TMEM245: variants seen among roughly 807,000 people sequenced by gnomAD.
TMEM245 encodes the protein protein CG-2.
A neutral mutation model predicts 101.2 loss-of-function variants in TMEM245; 69 were observed. That is an observed-to-expected ratio of 0.68 (90% CI 0.56 to 0.83). TMEM245 has a LOEUF of 0.83. Among genes scored for constraint, TMEM245 ranks in the 40% least tolerant of loss-of-function variants. The pLI, the probability that TMEM245 is intolerant of heterozygous loss-of-function variation, is 0.00. For missense variants in TMEM245, 1,075 were observed against 1,092.8 expected (o/e 0.98, Z 0.23); for synonymous variants, 537 against 449.8 (o/e 1.19, Z -2.45).
At position 109,119,275 on chromosome 9, in the gene TMEM245, T is replaced by C. The variant is rs772170898; in HGVS notation, c.579+60A>G. The C allele has an allele frequency of 4.2e-5, 62 of 1,464,948 alleles. No homozygotes were observed. In the East Asian group the frequency reaches 1.2e-3, roughly 28 times the overall value. 90.7% of individuals were successfully genotyped at this position (1,464,948 alleles called of 1,614,324 possible). Reference sequence around the variant, plus strand: ...TGCACCGGGAGGAACAGCTGCAGGATTGCACCCCAGAGCGCCGGGACCACG... The same window carrying C: ...TGCACCGGGAGGAACAGCTGCAGGACTGCACCCCAGAGCGCCGGGACCACG... On this transcript the variant is annotated intron_variant, in intron 1 of 17. Coordinates refer to ENST00000374586, the MANE Select transcript of TMEM245 (RefSeq NM_032012.4).
intron 5 of TMEM245, among the ~76,000 whole-genome samples, chr9:109,089,719 T>G (rs1829944185): frequency 6.6e-6 from 1 of 152,158 alleles, no homozygotes; most frequent in Non-Finnish European, 1.5e-5. Flanking sequence ...AAGACAGTTT[T>G]AGAGAGAATC....
intron 12 of TMEM245, among the ~76,000 whole-genome samples, chr9:109,055,908 A>G (rs1023801411): frequency 1.3e-5 from 2 of 152,216 alleles, no homozygotes; most frequent in Admixed American, 6.5e-5. Flanking sequence ...TGCTGGGATT[A>G]CAGGCATAAG....
intron 16 of TMEM245, among the ~76,000 whole-genome samples, chr9:109,034,697 C>G (rs562804413): frequency 2.6e-5 from 4 of 152,110 alleles, no homozygotes; most frequent in African/African-American, 9.7e-5. Context: ...CCACCCACCT[C>G]GGCCTCTCAA....
At chr9:109,083,496 A>G (rs1829730337) in intron 7 of TMEM245, among the ~76,000 whole-genome samples, 1 of 152,210 alleles carries the variant, frequency 6.6e-6, no homozygotes, top group South Asian at 2.1e-4. Flanking sequence ...AAAAAAGAGA[A>G]GTAATTTTAA....
chr9:109,036,543 T>G (rs1172857576), intron 15 of TMEM245, among the ~76,000 whole-genome samples, 163 bp from the exon 16 acceptor site: 1 of 152,202 alleles, frequency 6.6e-6, no homozygotes, highest in Admixed American at 6.5e-5. Flanking sequence ...TAACTGAATT[T>G]TCTAGCTAAG....
chr9:109,068,873 A>C (rs1432588704), intron 9 of TMEM245, among the ~76,000 whole-genome samples: 1 of 152,150 alleles, frequency 6.6e-6, no homozygotes, highest in Non-Finnish European at 1.5e-5. Flanking sequence ...ATATTGAAGG[A>C]AAGGGTAGAG....
At chr9:109,100,472 C>T (rs967696238) in intron 3 of TMEM245, among the ~76,000 whole-genome samples, 38 of 152,068 alleles carry the variant, frequency 2.5e-4, no homozygotes, top group African/African-American at 8.5e-4. Flanking sequence ...TATAGATGCA[C>T]ACTACCACAC....
chr9:109,119,736 C>G lies in TMEM245; in HGVS notation c.178G>C (p.Val60Leu), dbSNP rs761858472. 1.3e-6 allele frequency: 2 copies of G among 1,539,590 alleles called. No homozygotes were observed. The highest frequency in any genetic ancestry group is 1.4e-5 in the African/African-American group (1 of 70,960). Residue 60 changes from valine to leucine, a missense_variant, in exon 1 of 18, where the codon GTG becomes CTG. By Grantham distance (32) the Val-to-Leu change is conservative. Transcript: ENST00000374586. ...CCGCAGCACAGGCACACGAACAGCA[C>G]GGCCCCGGTGTTGTAGAAGGCCTGC... ...IKQAFYNTGA[V>L]LFVCLCCGAA...
At position 109,088,578 on chromosome 9, in the gene TMEM245, C is replaced by T. The variant is rs192271281; in HGVS notation, c.1151-1236G>A. Among the ~76,000 whole-genome samples, 187 of 151,772 alleles carry T rather than the reference C, an allele frequency of 1.2e-3. 1 individual carries two copies. In the Middle Eastern group the frequency reaches 0.017, roughly 14 times the overall value. On this transcript the variant is annotated intron_variant, in intron 5 of 17. Transcript: ENST00000374586. ...GGCACAGTGGCTCAACGCCTGTAAT[C>T]CCAGGCCGAGGCGGGCGGATCACGA... is the stretch of plus-strand genomic sequence containing the variant.
chr9:109,086,938 C>CA (rs1432690521), intron 6 of TMEM245, among the ~76,000 whole-genome samples: 2 of 152,168 alleles, frequency 1.3e-5, no homozygotes, highest in African/African-American at 4.8e-5. Flanking sequence ...GGAATTAAAT[C>CA]AGAAAATCCA....
intron 1 of TMEM245, among the ~76,000 whole-genome samples, chr9:109,115,790 A>G (rs1830709763): frequency 6.6e-6 from 1 of 152,078 alleles, no homozygotes; most frequent in Non-Finnish European, 1.5e-5. Flanking sequence ...TCGGCTTCCC[A>G]AAGTGCTGGG....
intron 12 of TMEM245, among the ~76,000 whole-genome samples, chr9:109,052,551 C>T (rs908087962): frequency 9.2e-5 from 14 of 152,312 alleles, no homozygotes; most frequent in African/African-American, 3.4e-4. Context: ...TTTTGTTGCC[C>T]TTGGCATTTC....
intron 1 of TMEM245, among the ~76,000 whole-genome samples, chr9:109,117,454 C>A (rs905337841): frequency 5.9e-5 from 9 of 152,144 alleles, no homozygotes; most frequent in African/African-American, 1.7e-4. Context: ...ATTAGTTTGA[C>A]CTTCTTTCTC....
chr9:109,090,324 C>T (rs917992602), intron 5 of TMEM245, among the ~76,000 whole-genome samples: 1 of 152,064 alleles, frequency 6.6e-6, no homozygotes, highest in East Asian at 1.9e-4. Flanking sequence ...TAACATTCTC[C>T]TTCACAGAAT....
At chr9:109,051,632 C>T (rs1828688843) in intron 12 of TMEM245, among the ~76,000 whole-genome samples, 1 of 152,066 alleles carries the variant, frequency 6.6e-6, no homozygotes, top group Admixed American at 6.6e-5. Flanking sequence ...AGTAAAAATA[C>T]AGTATTATAA....
chr9:109,040,150 T>C (rs148967031), intron 14 of TMEM245, among the ~76,000 whole-genome samples: 1 of 152,308 alleles, frequency 6.6e-6, no homozygotes, highest in Non-Finnish European at 1.5e-5. Context: ...TGTTTGCAGT[T>C]ACTAAACATA....
chr9:109,035,796 A>G (rs915362683), intron 16 of TMEM245, among the ~76,000 whole-genome samples: 2 of 151,984 alleles, frequency 1.3e-5, no homozygotes, highest in African/African-American at 4.8e-5. Context: ...TTGGCTGGGC[A>G]TGGTGGTTCA....
chr9:109,072,903 A>G (rs994759647), intron 9 of TMEM245, among the ~76,000 whole-genome samples: 2 of 152,226 alleles, frequency 1.3e-5, no homozygotes, highest in African/African-American at 4.8e-5. Flanking sequence ...TACAGTTTCC[A>G]TGTTATAGTG....
intron 12 of TMEM245, among the ~76,000 whole-genome samples, chr9:109,056,141 A>G (rs1828827954): frequency 1.3e-5 from 2 of 152,208 alleles, no homozygotes; most frequent in Admixed American, 6.5e-5. Flanking sequence ...ACATTATTTT[A>G]GAAATTCAGA....
Sources: allele counts gnomAD v4.1 joint callset (sites outside exome capture counted in the v4.1 genomes callset), GRCh38; gene constraint gnomAD v4.1.1; transcripts MANE v1.5; gene names NCBI Gene and HGNC (gene_info 2026-07-23, HGNC 2026-07-21).